The following PAPSS1 variants were observed in gnomAD, a reference collection of about 807,000 sequenced individuals.
The protein encoded by PAPSS1 is bifunctional 3'-phosphoadenosine 5'-phosphosulfate synthase 1.
Under a neutral mutation model 72.0 loss-of-function variants are expected in PAPSS1, and 50 were observed. The ratio of observed to expected loss-of-function variants is 0.69; its 90% CI spans 0.55 to 0.88. The LOEUF (loss-of-function observed/expected upper bound fraction) is 0.88. Among genes scored for constraint, PAPSS1 ranks in the 40% least tolerant of loss-of-function variants. The probability of loss-of-function intolerance (pLI) is 0.00; values close to 1 mark genes in which losing one functional copy is unlikely to be tolerated. For missense variants in PAPSS1, 657 were observed against 782.2 expected (o/e 0.84, Z 1.91); for synonymous variants, 261 against 263.6 (o/e 0.99, Z 0.09).
At chr4:107,711,117 C>A (rs1161188029) in intron 1 of PAPSS1, among the ~76,000 whole-genome samples, 4 of 152,212 alleles carry the variant, frequency 2.6e-5, no homozygotes, top group Non-Finnish European at 5.9e-5. Flanking sequence ...AGATACAAGA[C>A]ATTTATTTTA....
At chr4:107,719,229 G>A (rs1319524248) in intron 1 of PAPSS1, among the ~76,000 whole-genome samples, 2 of 150,664 alleles carry the variant, frequency 1.3e-5, no homozygotes, top group African/African-American at 4.9e-5. Flanking sequence ...TAACGTTTTG[G>A]GAGACATTGC....
chr4:107,664,965 C>T (rs903981932), intron 5 of PAPSS1, among the ~76,000 whole-genome samples: 2 of 152,160 alleles, frequency 1.3e-5, no homozygotes, highest in Non-Finnish European at 2.9e-5. Context: ...TCACACCCAA[C>T]AATATTTTTA....
chr4:107,691,612 G>C (rs1288670920), intron 3 of PAPSS1, among the ~76,000 whole-genome samples: 1 of 152,226 alleles, frequency 6.6e-6, no homozygotes. Flanking sequence ...CAAGGAGCCA[G>C]TGGGGTTTGG....
At chr4:107,615,706 T>C (rs1400410772) in intron 11 of PAPSS1, among the ~76,000 whole-genome samples, 2 of 152,132 alleles carry the variant, frequency 1.3e-5, no homozygotes, top group African/African-American at 2.4e-5. Context: ...TGATTAATGA[T>C]AAATAAAATA....
chr4:107,684,500 G>A (rs745501547), intron 4 of PAPSS1, among the ~76,000 whole-genome samples: 1 of 151,844 alleles, frequency 6.6e-6, no homozygotes, highest in Non-Finnish European at 1.5e-5. Context: ...TTTTCTTCCA[G>A]ACCCTCCCAA....
intron 5 of PAPSS1, among the ~76,000 whole-genome samples, chr4:107,671,943 C>T (rs988940217): frequency 2.6e-5 from 4 of 152,028 alleles, no homozygotes; most frequent in African/African-American, 9.7e-5. Flanking sequence ...ATACAGAGGG[C>T]CAACTTTCTA....
At chr4:107,662,200 G>C (rs1021457916) in intron 5 of PAPSS1, among the ~76,000 whole-genome samples, 12 of 152,338 alleles carry the variant, frequency 7.9e-5, no homozygotes, top group African/African-American at 2.9e-4. Flanking sequence ...GTGTAGACAT[G>C]AACGGCACTT....
intron 10 of PAPSS1, 147 bp from the exon 11 acceptor site, chr4:107,632,007 A>T (rs1726237002): frequency 1.6e-6 from 1 of 628,590 alleles, no homozygotes. Flanking sequence ...CTGGGAAGCC[A>T]GAAACAAAAC....
At chr4:107,660,412 C>T (rs898429220) in intron 5 of PAPSS1, among the ~76,000 whole-genome samples, 2 of 152,142 alleles carry the variant, frequency 1.3e-5, no homozygotes, top group African/African-American at 4.8e-5. Flanking sequence ...CCTGAACCAT[C>T]ATCCTTATTA....
intron 5 of PAPSS1, among the ~76,000 whole-genome samples, chr4:107,665,364 G>C (rs1278639758): frequency 6.6e-6 from 1 of 152,172 alleles, no homozygotes; most frequent in Non-Finnish European, 1.5e-5. Context: ...ACAGAAAGTT[G>C]GTCCCTGCCA....
At chr4:107,640,103 T>C (rs964281340) in intron 10 of PAPSS1, among the ~76,000 whole-genome samples, 1 of 152,214 alleles carries the variant, frequency 6.6e-6, no homozygotes, top group Non-Finnish European at 1.5e-5. Context: ...CTTTGACACT[T>C]TCACGTCACA....
At chr4:107,676,759 G>T (rs1193806367) in intron 5 of PAPSS1, among the ~76,000 whole-genome samples, 6 of 152,106 alleles carry the variant, frequency 3.9e-5, no homozygotes. Flanking sequence ...AAAGCTGGAG[G>T]CATCACACTA....
At chr4:107,625,986 G>C (rs1002996691) in intron 11 of PAPSS1, among the ~76,000 whole-genome samples, 1 of 151,450 alleles carries the variant, frequency 6.6e-6, no homozygotes, top group Non-Finnish European at 1.5e-5. Context: ...AGACCATCCT[G>C]GCTAACACAG....
In PAPSS1 at chr4:107,720,130, G is replaced by T; in HGVS notation, c.50C>A (p.Ala17Glu). ...TCGTCCCCAGCTTACCCAGTTCTGC[G>T]CGTTATTGCTCAGTTTGACTTTCTT... ...LCKKVKLSNN[A>E]QNWGMQRATN... The change falls in exon 1 of 12, where the codon GCG (alanine) becomes GAG (glutamate). Residue 17 changes from alanine (A) to glutamate (E), a missense_variant. Transcript: ENST00000265174. 6.2e-7 allele frequency: 1 copy of T among 1,606,554 alleles called. No individual in the cohort carries two copies.
chr4:107,681,690 A>C (rs990004720), intron 5 of PAPSS1, among the ~76,000 whole-genome samples: 1 of 152,178 alleles, frequency 6.6e-6, no homozygotes, highest in Non-Finnish European at 1.5e-5. Flanking sequence ...GAAAAATATA[A>C]TACTATCAAG....
intron 10 of PAPSS1, among the ~76,000 whole-genome samples, chr4:107,633,405 T>C (rs1167713847): frequency 6.6e-6 from 1 of 152,202 alleles, no homozygotes; most frequent in Non-Finnish European, 1.5e-5. Flanking sequence ...TTTGCACAAC[T>C]GTTTTTCCTA....
intron 11 of PAPSS1, among the ~76,000 whole-genome samples, chr4:107,620,370 T>A (rs148022657): frequency 6.6e-6 from 1 of 152,340 alleles, no homozygotes; most frequent in Non-Finnish European, 1.5e-5. Flanking sequence ...TATGGCTATC[T>A]TTTTAGGAAT....
chr4:107,636,242 T>C (rs1726377658), intron 10 of PAPSS1, among the ~76,000 whole-genome samples: 1 of 152,242 alleles, frequency 6.6e-6, no homozygotes, highest in Non-Finnish European at 1.5e-5. Flanking sequence ...TTGGGTGTTG[T>C]TATTGAATTA....
intron 1 of PAPSS1, among the ~76,000 whole-genome samples, chr4:107,718,812 A>G (rs1220883799): frequency 6.6e-6 from 1 of 152,232 alleles, no homozygotes; most frequent in African/African-American, 2.4e-5. Flanking sequence ...TTAAGGTAAG[A>G]GAAGCGAAAC....
Sources: allele counts gnomAD v4.1 joint callset (sites outside exome capture counted in the v4.1 genomes callset), GRCh38; gene constraint gnomAD v4.1.1; transcripts MANE v1.5; gene names NCBI Gene and HGNC (gene_info 2026-07-23, HGNC 2026-07-21).